Variants in LRRC7 observed in about 807,000 individuals in gnomAD.
The protein encoded by LRRC7 is leucine rich repeat containing 7.
Under a neutral mutation model 175.7 loss-of-function variants are expected in LRRC7, and 23 were observed. That is an observed-to-expected ratio of 0.13 (90% CI 0.09 to 0.19). The LOEUF (loss-of-function observed/expected upper bound fraction) is 0.19. Ranked by LOEUF, LRRC7 falls within the 10% of genes least tolerant of loss-of-function variation. The pLI, the probability that LRRC7 is intolerant of heterozygous loss-of-function variation, is 1.00. For synonymous variants in LRRC7, 685 were observed against 680.9 expected, an observed-to-expected ratio of 1.01 and a Z score of -0.09; for missense variants, 1,354 against 1,904.7, an observed-to-expected ratio of 0.71 and a Z score of 5.38.
intron 1 of LRRC7, among the ~76,000 whole-genome samples, chr1:69,674,720 A>AT (rs2100588307): frequency 6.6e-6 from 1 of 152,298 alleles, no homozygotes; most frequent in South Asian, 2.1e-4. Flanking sequence ...TTCTTCATCT[A>AT]TAAAAATTGG....
At chr1:70,069,549 A>G (rs1273122674) in intron 23 of LRRC7, among the ~76,000 whole-genome samples, 1 of 151,996 alleles carries the variant, frequency 6.6e-6, no homozygotes, top group Non-Finnish European at 1.5e-5. Context: ...TCTATGTGGA[A>G]CTCTTGCTTC....
At position 69,708,235 on chromosome 1, in the gene LRRC7, T is replaced by G. The variant is rs572509228; in HGVS notation, c.100+29757T>G. On this transcript the variant is annotated intron_variant, in intron 2 of 26. Coordinates refer to ENST00000651989, the MANE Select transcript of LRRC7 (RefSeq NM_001370785.2). ...AGTGAATTTTCAAGTCAAGTATTTC[T>G]GTCTTCTCTTCCAATTCATTTCCCA... is the stretch of plus-strand genomic sequence containing the variant. Among the ~76,000 whole-genome samples, 150 of 152,332 alleles carry G rather than the reference T, an allele frequency of 9.8e-4. 1 individual carries two copies. Among genetic ancestry groups the G allele is most frequent in the Non-Finnish European group, 1.9e-3 (129 of 68,030 alleles).
chr1:70,103,090 G>C (rs1664908797), intron 25 of LRRC7, among the ~76,000 whole-genome samples: 1 of 152,018 alleles, frequency 6.6e-6, no homozygotes, highest in Admixed American at 6.6e-5. Context: ...TTAGCCAGGT[G>C]TGGTAGCACA....
intron 9 of LRRC7, among the ~76,000 whole-genome samples, chr1:69,981,034 A>G (rs1251688760): frequency 6.6e-6 from 1 of 152,120 alleles, no homozygotes; most frequent in Non-Finnish European, 1.5e-5. Context: ...TTACCAGTCA[A>G]CTCATTGAGT....
intron 7 of LRRC7, among the ~76,000 whole-genome samples, chr1:69,925,963 CT>C (rs1647058675): frequency 6.6e-6 from 1 of 150,616 alleles, no homozygotes; most frequent in Admixed American, 6.7e-5. Flanking sequence ...CCTCTACACA[CT>C]GCTTTGAATG....
chr1:69,840,177 C>A (rs545654277), intron 7 of LRRC7, among the ~76,000 whole-genome samples: 10 of 151,848 alleles, frequency 6.6e-5, no homozygotes, highest in African/African-American at 2.4e-4. Context: ...ATCTAAAGAA[C>A]CAAATTCAGG....
intron 21 of LRRC7, among the ~76,000 whole-genome samples, chr1:70,043,083 G>T (rs754014310): frequency 1.3e-5 from 2 of 151,928 alleles, no homozygotes; most frequent in South Asian, 4.2e-4. Context: ...GGAGGAGATT[G>T]TACTGTGCAA....
intron 1 of LRRC7, among the ~76,000 whole-genome samples, chr1:69,628,004 C>T (rs1306491531): frequency 2.0e-5 from 3 of 152,040 alleles, no homozygotes; most frequent in Non-Finnish European, 4.4e-5. Context: ...CCTCTTTTCA[C>T]TAGGCATTGT....
intron 3 of LRRC7, among the ~76,000 whole-genome samples, chr1:69,763,654 G>A (rs1228795994): frequency 6.6e-6 from 1 of 151,958 alleles, no homozygotes. Context: ...TAAAGAAACT[G>A]CTATAAAATA....
At chr1:69,621,854 T>C (rs573416327) in intron 1 of LRRC7, among the ~76,000 whole-genome samples, 21 of 152,326 alleles carry the variant, frequency 1.4e-4, no homozygotes, top group African/African-American at 4.6e-4. Context: ...TCATCAGTAA[T>C]GTCTTCTTCA....
At chr1:70,001,829 GTGTTCCAGACCTCA>G (rs1331440666) in intron 11 of LRRC7, among the ~76,000 whole-genome samples, 1 of 152,090 alleles carries the variant, frequency 6.6e-6, no homozygotes. Context: ...TGTACTCACA[GTGTTCCAGACCTCA>G]TGTTTGGTGC....
At chr1:69,651,832 G>A (rs1169143573) in intron 1 of LRRC7, among the ~76,000 whole-genome samples, 1 of 152,066 alleles carries the variant, frequency 6.6e-6, no homozygotes, top group East Asian at 1.9e-4. Context: ...GCTGTCTGGG[G>A]GACTGGTTTC....
intron 1 of LRRC7, among the ~76,000 whole-genome samples, chr1:69,630,873 C>T (rs1052323194): frequency 6.6e-6 from 1 of 151,988 alleles, no homozygotes; most frequent in Non-Finnish European, 1.5e-5. Flanking sequence ...TGGCCAAATA[C>T]ATGATGTATA....
intron 8 of LRRC7, among the ~76,000 whole-genome samples, chr1:69,974,406 AAATGTTTTCC>A (rs1436043617): frequency 1.3e-4 from 20 of 152,298 alleles, no homozygotes; most frequent in Non-Finnish European, 2.1e-4. Flanking sequence ...TCATATTTGA[AAATGTTTTCC>A]AAAAAAATTA....
intron 1 of LRRC7, among the ~76,000 whole-genome samples, chr1:69,635,236 G>A (rs1653141327): frequency 6.6e-6 from 1 of 152,048 alleles, no homozygotes; most frequent in Admixed American, 6.6e-5. Context: ...CTCCATCCAT[G>A]TCCCTGCAAA....
At chr1:69,671,487 T>A (rs1481139086) in intron 1 of LRRC7, among the ~76,000 whole-genome samples, 2 of 152,092 alleles carry the variant, frequency 1.3e-5, no homozygotes, top group African/African-American at 4.8e-5. Context: ...GCAGACACAT[T>A]CCCTTAGCCA....
chr1:69,852,158 T>G (rs899785559), intron 7 of LRRC7, among the ~76,000 whole-genome samples: 6 of 152,136 alleles, frequency 3.9e-5, no homozygotes, highest in African/African-American at 1.4e-4. Flanking sequence ...TGCACATTTC[T>G]CGATGGGAGC....
chr1:69,875,765 T>C (rs1685986844), intron 7 of LRRC7, among the ~76,000 whole-genome samples: 1 of 152,130 alleles, frequency 6.6e-6, no homozygotes, highest in African/African-American at 2.4e-5. Flanking sequence ...TATATGCATC[T>C]ATATTGAAAT....
chr1:69,620,268 C>T (rs1371634761), intron 1 of LRRC7, among the ~76,000 whole-genome samples: 5 of 40,252 alleles, frequency 1.2e-4, no homozygotes, highest in African/African-American at 2.5e-4. Context: ...TAACTATTTA[C>T]ATTTTTTTTT....
Sources: gnomAD v4.1 joint callset for allele counts (sites outside exome capture counted in the v4.1 genomes callset) on GRCh38, gnomAD v4.1.1 for gene constraint, MANE v1.5 for transcripts, NCBI Gene and HGNC (gene_info 2026-07-23, HGNC 2026-07-21) for gene names.